The following ZNF407 variants were observed in gnomAD, a reference collection of about 807,000 sequenced individuals.
ZNF407 encodes zinc finger protein 407.
Under a neutral mutation model 131.2 loss-of-function variants are expected in ZNF407, and 17 were observed. The observed-to-expected ratio is 0.13, with a 90% CI of 0.09 to 0.19. The LOEUF is 0.19. ZNF407 is among the 10% of genes least tolerant of loss of function. The pLI, the probability that ZNF407 is intolerant of heterozygous loss-of-function variation, is 1.00. For synonymous variants in ZNF407, 1,156 were observed against 1,062.0 expected, an observed-to-expected ratio of 1.09 and a Z score of -1.72; for missense variants, 2,681 against 2,830.6, an observed-to-expected ratio of 0.95 and a Z score of 1.20.
Position 74,654,977 on chromosome 18 carries a change from G to T in ZNF407, c.4802+13855G>T, listed in dbSNP as rs1312785302. 1.4e-4 allele frequency among the ~76,000 whole-genome samples: 21 copies of T among 151,790 alleles called. 1 individual carries two copies. The highest frequency in any genetic ancestry group is 5.1e-4 in the African/African-American group (21 of 41,398). Reference sequence around the variant, plus strand: ...TAGTCATCTAATGTTATTTTTTAAAGAACGTATTTTAAAAATGACTAAAAA... The same window carrying T: ...TAGTCATCTAATGTTATTTTTTAAATAACGTATTTTAAAAATGACTAAAAA... On this transcript the variant is annotated intron_variant, in intron 3 of 8. Coordinates refer to ENST00000299687, the MANE Select transcript of ZNF407 (RefSeq NM_017757.3).
At chr18:75,026,884 T>C (rs2122213887) in intron 8 of ZNF407, among the ~76,000 whole-genome samples, 1 of 152,248 alleles carries the variant, frequency 6.6e-6, no homozygotes, top group Non-Finnish European at 1.5e-5. Context: ...CAACAGACAT[T>C]TGTGGAGCAT....
At chr18:74,914,033 C>A (rs1238189444) in intron 7 of ZNF407, among the ~76,000 whole-genome samples, 1 of 152,204 alleles carries the variant, frequency 6.6e-6, no homozygotes, top group Non-Finnish European at 1.5e-5. Context: ...CTGCTCAAGA[C>A]TTTCAACATG....
At chr18:74,656,062 T>C (rs953824362) in intron 3 of ZNF407, among the ~76,000 whole-genome samples, 2 of 152,144 alleles carry the variant, frequency 1.3e-5, no homozygotes, top group African/African-American at 4.8e-5. Flanking sequence ...GAATTACTTT[T>C]GTATTTTTTA....
intron 3 of ZNF407, among the ~76,000 whole-genome samples, chr18:74,776,364 C>T (rs1969471274): frequency 6.6e-6 from 1 of 152,210 alleles, no homozygotes; most frequent in Admixed American, 6.5e-5. Context: ...GAAGCCCTGA[C>T]TGAGTCCTGT....
chr18:74,633,775 T>C lies in ZNF407; in HGVS notation c.2756T>C (p.Ile919Thr). 1 of 1,613,470 alleles carries C rather than the reference T, an allele frequency of 6.2e-7. No homozygotes were observed. Among genetic ancestry groups the C allele is most frequent in the Non-Finnish European group, 8.5e-7 (1 of 1,179,794 alleles). The change falls in exon 2 of 9, where the codon ATC (isoleucine) becomes ACC (threonine). Residue 919 changes from isoleucine to threonine, a missense_variant. By Grantham distance (89) the Ile-to-Thr change is moderately conservative (BLOSUM62 -1). Around this residue, in one of 6 missense-constraint regions of ZNF407, gnomAD observed 1,789 missense variants for 1,748.7 expected, o/e 1.02. Transcript: ENST00000299687. ...IEASGKHSSD[I>T]IVGPEGGSLE... ...GCAAGTGGAAAACACAGTTCAGATA[T>C]CATTGTTGGCCCTGAAGGGGGTAGC...
chr18:74,623,260 G>T (rs1212995947), intron 1 of ZNF407, among the ~76,000 whole-genome samples: 2 of 152,032 alleles, frequency 1.3e-5, no homozygotes, highest in African/African-American at 4.8e-5. Flanking sequence ...ATGTGAGTGT[G>T]TGTGTGCATG....
At chr18:74,899,465 G>A (rs1971494762) in intron 7 of ZNF407, among the ~76,000 whole-genome samples, 1 of 152,134 alleles carries the variant, frequency 6.6e-6, no homozygotes, top group Non-Finnish European at 1.5e-5. Context: ...GCCAGTCAGG[G>A]AGGTCCTCTC....
chr18:74,691,202 C>A (rs1967214152), intron 3 of ZNF407, among the ~76,000 whole-genome samples: 1 of 152,060 alleles, frequency 6.6e-6, no homozygotes. Flanking sequence ...TTGCTTGAAA[C>A]CAGGAGGTGG....
At chr18:74,691,108 A>G (rs183736750) in intron 3 of ZNF407, among the ~76,000 whole-genome samples, 1 of 151,966 alleles carries the variant, frequency 6.6e-6, no homozygotes, top group Non-Finnish European at 1.5e-5. Flanking sequence ...GTGAAATCCT[A>G]TCTCTACTAA....
intron 3 of ZNF407, among the ~76,000 whole-genome samples, chr18:74,719,460 C>T (rs1415765385): frequency 1.3e-5 from 2 of 152,188 alleles, no homozygotes. Context: ...AGGGCAGTGG[C>T]GCGATCTCAG....
At chr18:74,840,031 G>A (rs558208129) in intron 4 of ZNF407, among the ~76,000 whole-genome samples, 68 of 152,116 alleles carry the variant, frequency 4.5e-4, no homozygotes, top group South Asian at 1.7e-3. Context: ...ATTAGATTAG[G>A]CAGAGATCTG....
At chr18:74,872,766 G>GAAAAAAAAAAAAAAAAAAAAAAAA (rs5826351) in intron 4 of ZNF407, among the ~76,000 whole-genome samples, 1 of 123,210 alleles carries the variant, frequency 8.1e-6, no homozygotes, top group African/African-American at 3.3e-5. Flanking sequence ...AAAAAAAAAA[G>GAAAAAAAAAAAAAAAAAAAAAAAA]AAAAAAAAAA....
At chr18:74,989,794 G>C (rs892066321) in intron 8 of ZNF407, among the ~76,000 whole-genome samples, 2 of 149,922 alleles carry the variant, frequency 1.3e-5, no homozygotes, top group Non-Finnish European at 2.9e-5. Context: ...AGTGAGCCAA[G>C]ATCCCACGAC....
chr18:74,819,782 C>A (rs1367700946), intron 4 of ZNF407, among the ~76,000 whole-genome samples: 1 of 152,142 alleles, frequency 6.6e-6, no homozygotes, highest in Admixed American at 6.5e-5. Context: ...CCCTGCTGTC[C>A]CCAACCTGAT....
intron 4 of ZNF407, among the ~76,000 whole-genome samples, chr18:74,782,613 TTTCTCCCCG>T (rs755984355): frequency 2.8e-4 from 43 of 151,364 alleles, no homozygotes; most frequent in Non-Finnish European, 5.5e-4. Flanking sequence ...CGTTCTCCCC[TTTCTCCCCG>T]TTCTCCCCTT....
chr18:74,853,428 C>T (rs1970816907), intron 4 of ZNF407, among the ~76,000 whole-genome samples: 1 of 152,294 alleles, frequency 6.6e-6, no homozygotes, highest in East Asian at 1.9e-4. Flanking sequence ...CATCCTGCAC[C>T]TCTGAACTGA....
At chr18:74,915,247 A>G (rs1971731674) in intron 7 of ZNF407, among the ~76,000 whole-genome samples, 1 of 152,132 alleles carries the variant, frequency 6.6e-6, no homozygotes, top group Non-Finnish European at 1.5e-5. Flanking sequence ...GAATGGGCCT[A>G]GTATCCTTAG....
intron 3 of ZNF407, among the ~76,000 whole-genome samples, chr18:74,744,683 A>G (rs545029532): frequency 1.3e-5 from 2 of 152,136 alleles, no homozygotes; most frequent in African/African-American, 4.8e-5. Context: ...ATTGTTTTCA[A>G]CAGTCACAAA....
intron 4 of ZNF407, among the ~76,000 whole-genome samples, chr18:74,862,399 T>C (rs1171504102): frequency 1.3e-5 from 2 of 152,216 alleles, no homozygotes; most frequent in African/African-American, 4.8e-5. Flanking sequence ...TTCTGAGAAT[T>C]TTAACAACAG....
Sources: gnomAD v4.1 joint callset for allele counts (sites outside exome capture counted in the v4.1 genomes callset) on GRCh38, gnomAD v4.1.1 for gene constraint, gnomAD v4.1.1 regional missense constraint, MANE v1.5 for transcripts, NCBI Gene and HGNC (gene_info 2026-07-23, HGNC 2026-07-21) for gene names.